Variants in SALL4 observed in about 807,000 individuals in gnomAD.
SALL4 encodes sal-like protein 4.
Under a neutral mutation model 60.8 loss-of-function variants are expected in SALL4, and 4 were observed. The observed-to-expected ratio is 0.07, with a 90% CI of 0.03 to 0.15. The LOEUF (loss-of-function observed/expected upper bound fraction) is 0.15. Ranked by LOEUF, SALL4 falls within the 10% of genes least tolerant of loss-of-function variation. The pLI, the probability that SALL4 is intolerant of heterozygous loss-of-function variation, is 1.00. For synonymous variants in SALL4, 580 were observed against 574.9 expected (o/e 1.01, Z -0.13); for missense variants, 1,178 against 1,394.7 (o/e 0.84, Z 2.48).
chr20:51,785,646 G>T (rs1000362657), intron 3 of SALL4, among the ~76,000 whole-genome samples: 2 of 151,730 alleles, frequency 1.3e-5, no homozygotes, highest in African/African-American at 4.8e-5. Flanking sequence ...ATTTTTTTTT[G>T]AGTCCTTTTT....
chr20:51,789,359 T>A (rs2078018113), intron 2 of SALL4, among the ~76,000 whole-genome samples: 1 of 151,690 alleles, frequency 6.6e-6, no homozygotes, highest in African/African-American at 2.4e-5. Flanking sequence ...TTTTTTTTTT[T>A]AAAGGCATGG....
rs1349490714 is a variant in SALL4, at chr20:51,791,933, G to T, written c.550C>A (p.Gln184Lys). ...GKVANTNVTL[Q>K]ALRGTKVAVN... ...GCCACCTTGGTGCCCCGTAGTGCCT[G>T]CAAGGTCACATTAGTGTTGGCCACT... Residue 184 changes from glutamine to lysine, a missense_variant, in exon 2 of 4, where the codon CAG (glutamine) becomes AAG (lysine). Around this residue, in one of 5 missense-constraint regions of SALL4, gnomAD observed 853 missense variants for 1,036.8 expected, o/e 0.82. Coordinates refer to ENST00000217086, the MANE Select transcript of SALL4 (RefSeq NM_020436.5). This position sits in a 1 kb window ranked among gnomAD's most constrained non-coding sequence, Gnocchi z 4.6. The T allele has an allele frequency of 6.2e-7, 1 of 1,614,124 alleles. No individual in the cohort carries two copies. The highest frequency in any genetic ancestry group is 8.5e-7 in the Non-Finnish European group (1 of 1,180,058).
At chr20:51,796,182 G>A (rs1194356966) in intron 1 of SALL4, among the ~76,000 whole-genome samples, 1 of 83,358 alleles carries the variant, frequency 1.2e-5, no homozygotes, top group South Asian at 4.4e-4. Context: ...CTGGGCAACA[G>A]AACAAGACTG....
intron 3 of SALL4, among the ~76,000 whole-genome samples, chr20:51,785,355 C>G (rs56195844): frequency 6.6e-6 from 1 of 151,970 alleles, no homozygotes; most frequent in African/African-American, 2.4e-5. Flanking sequence ...TGAGCATGTA[C>G]TGAAAGTGAG....
chr20:51,795,227 G>C (rs1203547411), intron 1 of SALL4, among the ~76,000 whole-genome samples: 2 of 152,110 alleles, frequency 1.3e-5, no homozygotes, highest in Non-Finnish European at 2.9e-5. Flanking sequence ...CTAACACGGT[G>C]AAACTCCATC....
chr20:51,799,615 T>C (rs1053435088), intron 1 of SALL4, among the ~76,000 whole-genome samples: 5 of 152,218 alleles, frequency 3.3e-5, no homozygotes, highest in African/African-American at 9.7e-5. Flanking sequence ...ACGTAGAAAG[T>C]TGACCTGAAA....
chr20:51,787,596 G>A (rs2078002145), intron 3 of SALL4, among the ~76,000 whole-genome samples: 1 of 152,270 alleles, frequency 6.6e-6, no homozygotes, highest in Admixed American at 6.5e-5. Context: ...CTAGCACCTG[G>A]CTGCTTTCTT....
Position 51,784,322 on chromosome 20 carries a change from G to C in SALL4, c.3105C>G (p.Gly1035=), listed in dbSNP as rs555887614. ...ADVEKPSATD[G]VPKHQFPHFL... ...AGTGAGGAAACTGGTGTTTGGGAAC[G>C]CCGTCAGTAGCACTTGGTTTTTCCA... is the stretch of plus-strand genomic sequence containing the variant. Residue 1035 remains glycine, a synonymous_variant, in exon 4 of 4, where the codon GGC becomes GGG. Transcript: ENST00000217086. The C allele has an allele frequency of 6.2e-7, 1 of 1,614,158 alleles. No individual in the cohort carries two copies. Among genetic ancestry groups the C allele is most frequent in the Admixed American group, 1.7e-5 (1 of 60,016 alleles).
At chr20:51,785,466 G>A (rs1287138957) in intron 3 of SALL4, among the ~76,000 whole-genome samples, 1 of 152,132 alleles carries the variant, frequency 6.6e-6, no homozygotes, top group Non-Finnish European at 1.5e-5. Flanking sequence ...GGGACTGTCT[G>A]CACTTTATAT....
rs2078109631 is a variant in SALL4, at chr20:51,801,524, G to A, written c.130+755C>T. 1 of 152,366 alleles carries A rather than the reference G, an allele frequency of 6.6e-6. No homozygotes were observed. Among genetic ancestry groups the A allele is most frequent in the Non-Finnish European group, 1.5e-5 (1 of 68,138 alleles). 9.4% of individuals were successfully genotyped at this position (152,366 alleles called of 1,614,324 possible). A position where few individuals can be genotyped will look rare whatever the true frequency, so the allele number is the denominator to read the frequency against. On this transcript the variant is annotated intron_variant, in intron 1 of 3. Coordinates refer to ENST00000217086, the MANE Select transcript of SALL4 (RefSeq NM_020436.5). The surrounding 1 kb of genome is among the most constrained non-coding windows in gnomAD (Gnocchi z 5.2). ...TTGCCGCGGTTATTTTTAGGAAGTC[G>A]GAAATCAAAGATGGCTGGAGGTCAG...
intron 3 of SALL4, among the ~76,000 whole-genome samples, chr20:51,787,672 T>C (rs1270623934): frequency 6.6e-6 from 1 of 152,070 alleles, no homozygotes; most frequent in African/African-American, 2.4e-5. Flanking sequence ...TTTTTATTTA[T>C]ATGAATTTAA....
At chr20:51,802,149 A>C in intron 1 of SALL4, 130 bp downstream of exon 1, 1 of 1,122,458 alleles carries the variant, frequency 8.9e-7, no homozygotes, top group South Asian at 1.6e-5. Flanking sequence ...CCTCCCGGGC[A>C]CTGAGCCCCC....
At position 51,786,247 on chromosome 20, in the gene SALL4, G is replaced by A. The variant is rs150780902; in HGVS notation, c.2743-1563C>T. On this transcript the variant is annotated intron_variant, in intron 3 of 3. Coordinates refer to ENST00000217086, the MANE Select transcript of SALL4 (RefSeq NM_020436.5). ...GACTACAGGCGCCCACCGCCACCAC[G>A]CCCGGCTAATTTTTTCTATTTTGTT... Among the ~76,000 whole-genome samples the A allele has an allele frequency of 5.9e-3, 890 of 151,786 alleles. 4 individuals are homozygous for A. The highest frequency in any genetic ancestry group is 1.0e-2 in the Non-Finnish European group (678 of 67,928).
In SALL4 at chr20:51,789,056, C is replaced by T. The variant is rs780919557; in HGVS notation, c.2547G>A (p.Ser849=). 6.8e-6 allele frequency: 11 copies of T among 1,614,148 alleles called. No individual in the cohort carries two copies. The East Asian group carries it at 1.3e-4, about 20-fold the overall frequency. The change falls in exon 3 of 4, where the codon TCG becomes TCA. Residue 849 remains serine, a synonymous_variant. Coordinates refer to ENST00000217086, the MANE Select transcript of SALL4 (RefSeq NM_020436.5). ...AAGGGGTCATCCCTGGGGACAATGT[C>T]GAGGGTCCCACAAATGTGCCAGGAA... ...VEVPGTFVGP[S]TLSPGMTPLL...
Position 51,791,090 on chromosome 20 carries a change from T to C in SALL4, c.1393A>G (p.Ile465Val), listed in dbSNP as rs370363837. ...IPYALSVPDP[I>V]DEPSLSLDSK... is the part of the protein sequence containing the mutation. ...TCTAAAGAAAGACTCGGTTCATCTA[T>C]GGGGTCAGGTACAGAGAGTGCATAG... Residue 465 changes from isoleucine (I) to valine (V), a missense_variant, in exon 2 of 4, where the codon ATA becomes GTA. Coordinates refer to ENST00000217086, the MANE Select transcript of SALL4 (RefSeq NM_020436.5). This position sits in a 1 kb window ranked among gnomAD's most constrained non-coding sequence, Gnocchi z 4.6. The C allele has an allele frequency of 5.6e-6, 9 of 1,613,984 alleles. No homozygotes were observed. Among genetic ancestry groups the C allele is most frequent in the South Asian group, 2.2e-5 (2 of 91,074 alleles).
In SALL4 at chr20:51,784,515, T is replaced by C; in HGVS notation, c.2912A>G (p.Gln971Arg). 6.2e-7 allele frequency: 1 copy of C among 1,614,198 alleles called. No individual in the cohort carries two copies. The highest frequency in any genetic ancestry group is 1.1e-5 in the South Asian group (1 of 91,070). ...SVNVDPVVWN[Q>R]YTSMLNGGLA... ...ACCGCCATTGAGCATGCTGGTGTAC[T>C]GGTTCCACACAACAGGGTCCACATT... The change falls in exon 4 of 4, where the codon CAG becomes CGG. Residue 971 changes from glutamine (Q) to arginine (R), a missense_variant. This residue lies in a region of SALL4 where 174 missense variants were observed against 169.6 expected (regional missense o/e 1.03). Coordinates refer to ENST00000217086, the MANE Select transcript of SALL4 (RefSeq NM_020436.5).
intron 1 of SALL4, among the ~76,000 whole-genome samples, chr20:51,794,861 C>T (rs1260148135): frequency 5.9e-5 from 9 of 152,252 alleles, no homozygotes; most frequent in Admixed American, 4.6e-4. Flanking sequence ...TATTGGAACC[C>T]TTCATTTGTA....
intron 3 of SALL4, among the ~76,000 whole-genome samples, chr20:51,786,251 G>A (rs986604773): frequency 2.6e-5 from 4 of 151,658 alleles, no homozygotes; most frequent in African/African-American, 7.3e-5. Context: ...CACCACGCCC[G>A]GCTAATTTTT....
Position 51,784,334 on chromosome 20 carries a change from A to C in SALL4, c.3093T>G (p.Ser1031Arg), listed in dbSNP as rs1226332059. ...SGISADVEKP[S>R]ATDGVPKHQF... ...GGTGTTTGGGAACGCCGTCAGTAGCACTTGGTTTTTCCACATCTGCACTGA... is the reference window on the plus strand; with the variant it reads ...GGTGTTTGGGAACGCCGTCAGTAGCCCTTGGTTTTTCCACATCTGCACTGA... The change falls in exon 4 of 4, where the codon AGT (serine) becomes AGG (arginine). Residue 1031 changes from serine to arginine, a missense_variant. Ser to Arg is a moderately radical substitution (Grantham distance 110, BLOSUM62 -1). Transcript: ENST00000217086. The C allele has an allele frequency of 6.2e-7, 1 of 1,614,148 alleles. No individual in the cohort carries two copies. The highest frequency in any genetic ancestry group is 8.5e-7 in the Non-Finnish European group (1 of 1,180,036).
Sources: gnomAD v4.1 joint callset for allele counts (sites outside exome capture counted in the v4.1 genomes callset) on GRCh38, gnomAD v4.1.1 for gene constraint, gnomAD v4.1.1 regional missense constraint, Gnocchi (gnomAD v3.1) non-coding constraint, MANE v1.5 for transcripts, NCBI Gene and HGNC (gene_info 2026-07-23, HGNC 2026-07-21) for gene names.